SPATA6: variants seen among roughly 807,000 people sequenced by gnomAD.
SPATA6 encodes spermatogenesis-associated protein 6.
SPATA6 carries 56 observed loss-of-function variants against 65.3 expected under a neutral mutation model. That is an observed-to-expected ratio of 0.86 (90% confidence interval 0.69 to 1.07). SPATA6 has a LOEUF of 1.07. Ranked by LOEUF, SPATA6 falls within the 50% of genes least tolerant of loss-of-function variation. The pLI is 0.00. For missense variants in SPATA6, 590 were observed against 594.8 expected (o/e 0.99, Z 0.08); for synonymous variants, 199 against 213.2 (o/e 0.93, Z 0.58).
At chr1:48,287,178 T>C in the SPATA6 span, among the ~76,000 whole-genome samples, 1 of 152,064 alleles carries the variant, frequency 6.6e-6, no homozygotes, top group African/African-American at 2.4e-5. Flanking sequence ...GCATGTCACA[T>C]GTCAAAAGCC....
chr1:48,385,166 T>G (rs987057942), intron 9 of SPATA6, 143 bp downstream of exon 9: 1 of 776,598 alleles, frequency 1.3e-6, no homozygotes, highest in South Asian at 3.9e-5. Flanking sequence ...GTAACCAAAA[T>G]AACATTATAT....
At chr1:48,322,330 A>G (rs920701902) in intron 11 of SPATA6, among the ~76,000 whole-genome samples, 3 of 152,224 alleles carry the variant, frequency 2.0e-5, no homozygotes, top group South Asian at 2.1e-4. Flanking sequence ...ATGATTCCCT[A>G]TATAATAAAT....
At chr1:48,468,069 T>C (rs1318619829) in intron 1 of SPATA6, among the ~76,000 whole-genome samples, 2 of 152,226 alleles carry the variant, frequency 1.3e-5, no homozygotes, top group Non-Finnish European at 2.9e-5. Context: ...TCTGGGTATG[T>C]ATCCAAAGGA....
At chr1:48,468,106 T>G (rs1657952247) in intron 1 of SPATA6, among the ~76,000 whole-genome samples, 1 of 152,218 alleles carries the variant, frequency 6.6e-6, no homozygotes, top group South Asian at 2.1e-4. Context: ...AGATCTGCAC[T>G]CTCATATTCA....
chr1:48,435,756 A>G (rs1570569077), intron 3 of SPATA6, among the ~76,000 whole-genome samples: 1 of 151,644 alleles, frequency 6.6e-6, no homozygotes, highest in East Asian at 2.0e-4. Context: ...CGCGCCCCGC[A>G]CCGGGAGCGG....
chr1:48,319,377 T>C (rs909979741), intron 11 of SPATA6, among the ~76,000 whole-genome samples: 3 of 152,170 alleles, frequency 2.0e-5, no homozygotes, highest in African/African-American at 7.2e-5. Context: ...ATGGGACTTG[T>C]ACTCAGAATA....
chr1:48,422,238 A>T (rs1479422629), intron 3 of SPATA6, among the ~76,000 whole-genome samples: 14 of 152,230 alleles, frequency 9.2e-5, no homozygotes. Flanking sequence ...ATTATTTTTT[A>T]AAATCTGCCT....
At chr1:48,442,742 A>C (rs1361628813) in intron 3 of SPATA6, among the ~76,000 whole-genome samples, 3 of 150,710 alleles carry the variant, frequency 2.0e-5, no homozygotes, top group African/African-American at 7.3e-5. Flanking sequence ...AAAAAAAAAA[A>C]AAACAGTGTA....
intron 11 of SPATA6, among the ~76,000 whole-genome samples, chr1:48,316,561 C>T (rs890836369): frequency 6.6e-6 from 1 of 152,110 alleles, no homozygotes; most frequent in African/African-American, 2.4e-5. Flanking sequence ...ACTTGTTAGA[C>T]CTAAAACCAT....
At chr1:48,281,433 C>A in the SPATA6 span, among the ~76,000 whole-genome samples, 7 of 152,134 alleles carry the variant, frequency 4.6e-5, no homozygotes, top group Non-Finnish European at 8.8e-5. Flanking sequence ...ATCTAGAAAA[C>A]GCCATCGTCT....
At chr1:48,453,202 AT>A in intron 1 of SPATA6, 71 bp from the exon 2 acceptor site, 2 of 1,455,672 alleles carry the variant, frequency 1.4e-6, no homozygotes, top group Non-Finnish European at 1.8e-6. Flanking sequence ...AAAATAACTT[AT>A]CAAATATTAC....
At chr1:48,431,030 T>C (rs546109407) in intron 3 of SPATA6, among the ~76,000 whole-genome samples, 1 of 152,222 alleles carries the variant, frequency 6.6e-6, no homozygotes, top group African/African-American at 2.4e-5. Context: ...AAGGCGCTCA[T>C]TTTAGGTCTA....
chr1:48,364,677 C>G (rs551368551), intron 9 of SPATA6, among the ~76,000 whole-genome samples: 1 of 152,060 alleles, frequency 6.6e-6, no homozygotes, highest in Non-Finnish European at 1.5e-5. Context: ...TGTTTGAGTT[C>G]ATTGTAGATT....
At chr1:48,411,613 C>T in intron 4 of SPATA6, 25 bp from the exon 5 acceptor site, 1 of 1,503,584 alleles carries the variant, frequency 6.7e-7, no homozygotes, top group South Asian at 1.5e-5. Flanking sequence ...CCCTATGATT[C>T]AAATTATAAT....
chr1:48,457,821 C>G (rs559839665), intron 1 of SPATA6, among the ~76,000 whole-genome samples: 1 of 151,912 alleles, frequency 6.6e-6, no homozygotes, highest in Admixed American at 6.6e-5. Context: ...AAAAGAGCAC[C>G]AGTAAATGAA....
chr1:48,385,623 A>G (rs1302800963), intron 8 of SPATA6, among the ~76,000 whole-genome samples: 3 of 152,164 alleles, frequency 2.0e-5, no homozygotes, highest in Non-Finnish European at 4.4e-5. Flanking sequence ...CGATAAACCA[A>G]TTTGTGTCTA....
Position 48,298,776 on chromosome 1 carries a change from C to A in SPATA6, c.1404G>T (p.Lys468Asn), listed in dbSNP as rs755545124. ...CCTTTTTGTATAAGTTCCTGTACAT[C>A]TTGTCCATGCTGTTCTCAAAGATGG... ...HRPIFENSMD[K>N]MYRNLYKKAC... Residue 468 changes from lysine (K) to asparagine (N), a missense_variant, in exon 13 of 13, where the codon AAG becomes AAT. By Grantham distance (94) the Lys-to-Asn change is moderately conservative. Coordinates refer to ENST00000371847, the MANE Select transcript of SPATA6 (RefSeq NM_019073.4). 1.2e-6 allele frequency: 2 copies of A among 1,614,004 alleles called. No individual in the cohort carries two copies. The highest frequency in any genetic ancestry group is 1.7e-6 in the Non-Finnish European group (2 of 1,179,936).
At chr1:48,362,163 AG>A (rs1461723923) in intron 9 of SPATA6, among the ~76,000 whole-genome samples, 2 of 152,152 alleles carry the variant, frequency 1.3e-5, no homozygotes, top group Non-Finnish European at 2.9e-5. Flanking sequence ...CTGAGGCAGG[AG>A]GAACACTTGA....
intron 11 of SPATA6, among the ~76,000 whole-genome samples, chr1:48,318,203 C>A (rs1447190358): frequency 6.6e-6 from 1 of 152,124 alleles, no homozygotes; most frequent in Non-Finnish European, 1.5e-5. Context: ...GGAGTGAAAT[C>A]TTCTAAGATC....
Sources: gnomAD v4.1 joint callset for allele counts (sites outside exome capture counted in the v4.1 genomes callset) on GRCh38, gnomAD v4.1.1 for gene constraint, MANE v1.5 for transcripts, NCBI Gene and HGNC (gene_info 2026-07-23, HGNC 2026-07-21) for gene names.